Variants in CNTNAP4 observed in about 807,000 individuals in gnomAD.
The protein encoded by CNTNAP4 is contactin associated protein family member 4, also known as contactin-associated protein-like 4.
A neutral mutation model predicts 148.4 loss-of-function variants in CNTNAP4; 98 were observed. The ratio of observed to expected loss-of-function variants is 0.66; its 90% CI spans 0.56 to 0.78. CNTNAP4 has a LOEUF of 0.78. CNTNAP4 is among the 30% of genes least tolerant of loss of function. The probability of loss-of-function intolerance (pLI) is 0.00; values close to 1 mark genes in which losing one functional copy is unlikely to be tolerated. For synonymous variants in CNTNAP4, 730 were observed against 565.1 expected (o/e 1.29, Z -4.14); for missense variants, 1,935 against 1,565.6 (o/e 1.24, Z -3.98).
intron 11 of CNTNAP4, among the ~76,000 whole-genome samples, chr16:76,476,866 A>G (rs1385277943): frequency 6.6e-6 from 1 of 152,188 alleles, no homozygotes; most frequent in African/African-American, 2.4e-5. Context: ...CTATTGCGCT[A>G]GATAATTCTT....
intron 21 of CNTNAP4, among the ~76,000 whole-genome samples, chr16:76,542,732 G>A (rs1004994954): frequency 1.3e-5 from 2 of 152,116 alleles, no homozygotes; most frequent in Admixed American, 1.3e-4. Flanking sequence ...CATAACTATT[G>A]TTATTTACAG....
chr16:76,460,309 A>G (rs1040014857), intron 8 of CNTNAP4, among the ~76,000 whole-genome samples: 2 of 151,680 alleles, frequency 1.3e-5, no homozygotes, highest in South Asian at 2.1e-4. Context: ...GGGTTTCTCC[A>G]TGTTGGCCAG....
At chr16:76,340,280 T>G (rs2144340760) in intron 2 of CNTNAP4, among the ~76,000 whole-genome samples, 1 of 152,278 alleles carries the variant, frequency 6.6e-6, no homozygotes, top group East Asian at 1.9e-4. Context: ...CCCCAAATCC[T>G]ATATGCTTAC....
chr16:76,411,186 T>A (rs1164399273), intron 3 of CNTNAP4, among the ~76,000 whole-genome samples: 1 of 151,500 alleles, frequency 6.6e-6, no homozygotes, highest in Non-Finnish European at 1.5e-5. Context: ...ATTTTTCAAA[T>A]TAAATATAAT....
At chr16:76,306,623 G>A (rs1960505944) in intron 1 of CNTNAP4, among the ~76,000 whole-genome samples, 1 of 152,174 alleles carries the variant, frequency 6.6e-6, no homozygotes, top group African/African-American at 2.4e-5. Context: ...TCCAGTGACA[G>A]GTACAGTGCT....
chr16:76,489,922 C>T (rs529792476), intron 13 of CNTNAP4, 39 bp downstream of exon 13: 48 of 1,320,754 alleles, frequency 3.6e-5, no homozygotes, highest in Non-Finnish European at 4.7e-5. Flanking sequence ...GCACACATCA[C>T]ATCATGCACT....
rs1265291416 is a variant in CNTNAP4 at position 76,558,744 on chromosome 16, A to G, written c.*61A>G. On this transcript the variant is annotated 3_prime_UTR_variant, in exon 24 of 24. Transcript: ENST00000611870. Reference sequence around the variant, plus strand: ...TTGTTTTAATAGCCAGGGGTTCTCAATGGAAAAACGAATGCTCTTACACTG... The same window carrying G: ...TTGTTTTAATAGCCAGGGGTTCTCAGTGGAAAAACGAATGCTCTTACACTG... 1 of 1,275,472 alleles carries G rather than the reference A, an allele frequency of 7.8e-7. No homozygotes were observed. The highest frequency in any genetic ancestry group is 1.4e-5 in the South Asian group (1 of 69,056). 79.0% of individuals were successfully genotyped at this position (1,275,472 alleles called of 1,614,324 possible). A position where few individuals can be genotyped will look rare whatever the true frequency, so the allele number is the denominator to read the frequency against.
At chr16:76,427,419 T>C (rs751988829) in intron 3 of CNTNAP4, 33 bp from the exon 4 acceptor site, 8 of 1,580,882 alleles carry the variant, frequency 5.1e-6, no homozygotes, top group Non-Finnish European at 6.9e-6. Context: ...GTTCTCCAGA[T>C]ACATTGATGT....
Position 76,462,065 on chromosome 16 carries a change from G to T in CNTNAP4, c.1443G>T (p.Gly481=), listed in dbSNP as rs772278461. Residue 481 remains glycine, a synonymous_variant, in exon 9 of 24, where the codon GGG becomes GGT. Transcript: ENST00000611870. The part of the protein sequence containing the change: ...GQMASAAPLL[G]PEQIYSGGTY... The stretch of plus-strand genomic sequence containing the variant: ...TGGCTTCTGCTGCTCCTCTGCTGGG[G>T]CCTGAGCAGATTTATTCGGGTGGCA... 1 of 1,613,792 alleles carries T rather than the reference G, an allele frequency of 6.2e-7. No individual in the cohort carries two copies. Among genetic ancestry groups the T allele is most frequent in the South Asian group, 1.1e-5 (1 of 91,072 alleles).
chr16:76,428,479 C>G (rs989209111), intron 4 of CNTNAP4, among the ~76,000 whole-genome samples: 7 of 151,288 alleles, frequency 4.6e-5, no homozygotes, highest in African/African-American at 1.7e-4. Context: ...TTCATACATA[C>G]GCTGTCACTT....
rs993931891 is a variant in CNTNAP4 at position 76,463,399 on chromosome 16, T to A, written c.1483+1294T>A. Among the ~76,000 whole-genome samples the A allele has an allele frequency of 3.3e-5, 5 of 152,178 alleles. No homozygotes were observed. The East Asian group carries it at 9.6e-4, about 29-fold the overall frequency. The stretch of plus-strand genomic sequence containing the variant: ...TATTTTATGTCCTTCATGTTCAGGT[T>A]TAACAATGCCTAGCTAGTTGATATA... On this transcript the variant is annotated intron_variant, in intron 9 of 23. Transcript: ENST00000611870.
chr16:76,498,841 G>C lies in CNTNAP4; in HGVS notation c.2365+147G>C, dbSNP rs188468958. 4.2e-6 allele frequency: 3 copies of C among 722,676 alleles called. No individual in the cohort carries two copies. The East Asian group carries it at 9.5e-5, about 23-fold the overall frequency. 44.8% of individuals were successfully genotyped at this position (722,676 alleles called of 1,614,324 possible). A position where few individuals can be genotyped will look rare whatever the true frequency, so the allele number is the denominator to read the frequency against. ...TTTTGTTTGTTTCCACATACATGAG[G>C]TGCCTTTAGTAGTCAAATTCATAGA... On this transcript the variant is annotated intron_variant, in intron 15 of 23. Coordinates refer to ENST00000611870, the MANE Select transcript of CNTNAP4 (RefSeq NM_033401.5).
chr16:76,466,468 G>C (rs2143485410), intron 9 of CNTNAP4, among the ~76,000 whole-genome samples: 1 of 152,218 alleles, frequency 6.6e-6, no homozygotes, highest in South Asian at 2.1e-4. Context: ...TCTTCATGGT[G>C]TGATTATTTC....
chr16:76,518,832 C>G (rs2083350116), intron 15 of CNTNAP4, among the ~76,000 whole-genome samples: 1 of 152,172 alleles, frequency 6.6e-6, no homozygotes, highest in African/African-American at 2.4e-5. Flanking sequence ...ATTGCCCAAT[C>G]TCTCTTCCTC....
At chr16:76,446,144 A>G (rs1043634526) in intron 4 of CNTNAP4, among the ~76,000 whole-genome samples, 1 of 152,158 alleles carries the variant, frequency 6.6e-6, no homozygotes, top group Middle Eastern at 3.2e-3. Context: ...GTTGAAAAAA[A>G]TTTGCAGGGT....
chr16:76,301,696 A>G (rs1264007652), intron 1 of CNTNAP4, among the ~76,000 whole-genome samples: 1 of 152,132 alleles, frequency 6.6e-6, no homozygotes, highest in African/African-American at 2.4e-5. Context: ...TTTGCAAAAG[A>G]GGAAAGATTT....
At chr16:76,407,567 G>A (rs34465873) in intron 3 of CNTNAP4, among the ~76,000 whole-genome samples, 61,593 of 151,738 alleles carry the variant, frequency 0.41, 12,984 homozygotes, top group Non-Finnish European at 0.44. Flanking sequence ...AAGGAACTGC[G>A]GATGTGGTGA....
intron 9 of CNTNAP4, among the ~76,000 whole-genome samples, chr16:76,462,333 T>C (rs905376438): frequency 2.6e-5 from 4 of 152,214 alleles, no homozygotes; most frequent in Non-Finnish European, 5.9e-5. Flanking sequence ...AGATTGATTT[T>C]AAGTAGGCTG....
intron 4 of CNTNAP4, among the ~76,000 whole-genome samples, chr16:76,436,514 C>T (rs2079833613): frequency 6.6e-6 from 1 of 152,082 alleles, no homozygotes; most frequent in Admixed American, 6.6e-5. Context: ...AAGACTCTGA[C>T]TCGGGTCAGT....
Sources: gnomAD v4.1 joint callset for allele counts (sites outside exome capture counted in the v4.1 genomes callset) on GRCh38, gnomAD v4.1.1 for gene constraint, MANE v1.5 for transcripts, NCBI Gene and HGNC (gene_info 2026-07-23, HGNC 2026-07-21) for gene names.